MED12L: variants seen among roughly 807,000 people sequenced by gnomAD.
MED12L encodes the protein mediator of RNA polymerase II transcription subunit 12-like protein.
Under a neutral mutation model 281.3 loss-of-function variants are expected in MED12L, and 60 were observed. The ratio of observed to expected loss-of-function variants is 0.21; its 90% CI spans 0.17 to 0.26. The LOEUF is 0.26. Ranked by LOEUF, MED12L falls within the 10% of genes least tolerant of loss-of-function variation. MED12L has a pLI of 1.00. For synonymous variants in MED12L, 974 were observed against 987.2 expected, an observed-to-expected ratio of 0.99 and a Z score of 0.25; for missense variants, 2,146 against 2,680.9, an observed-to-expected ratio of 0.80 and a Z score of 4.41.
Position 151,184,479 on chromosome 3 carries a change from G to A in MED12L, c.1495-851G>A, listed in dbSNP as rs532895378. Among the ~76,000 whole-genome samples the A allele has an allele frequency of 5.5e-4, 84 of 152,212 alleles. 1 individual carries two copies. In the Middle Eastern group the frequency reaches 0.01, roughly 18 times the overall value. ...TCTGGCATCATGTTTATCCCCATGG[G>A]GACATATTAAAAACTTGTAGTTGAT... On this transcript the variant is annotated intron_variant, in intron 11 of 44. Transcript: ENST00000687756.
At chr3:151,094,017 G>C (rs990054325) in intron 2 of MED12L, among the ~76,000 whole-genome samples, 9 of 152,246 alleles carry the variant, frequency 5.9e-5, no homozygotes, top group African/African-American at 2.2e-4. Context: ...CACGAGGTAG[G>C]AGAGGATGAG....
intron 24 of MED12L, 74 bp downstream of exon 24, chr3:151,367,840 C>T (rs1755472447): frequency 2.1e-5 from 31 of 1,496,532 alleles, no homozygotes; most frequent in Non-Finnish European, 2.7e-5. Context: ...CATTACAACA[C>T]AGGGAAAGGA....
At chr3:151,270,941 CACTT>C (rs1740827846) in intron 16 of MED12L, among the ~76,000 whole-genome samples, 1 of 151,516 alleles carries the variant, frequency 6.6e-6, no homozygotes, top group Non-Finnish European at 1.5e-5. Flanking sequence ...GGAAAGATGA[CACTT>C]AGTTTTAAAT....
intron 2 of MED12L, among the ~76,000 whole-genome samples, chr3:151,110,341 A>T (rs754148866): frequency 3.3e-5 from 5 of 152,190 alleles, no homozygotes; most frequent in Non-Finnish European, 5.9e-5. Context: ...TTAAGTGTCC[A>T]TGTCCAGCCC....
chr3:151,304,110 C>T (rs2149738927), intron 16 of MED12L, among the ~76,000 whole-genome samples: 1 of 152,150 alleles, frequency 6.6e-6, no homozygotes, highest in East Asian at 1.9e-4. Context: ...AGCCTAATGA[C>T]AGAGGGTTGA....
intron 21 of MED12L, among the ~76,000 whole-genome samples, chr3:151,364,552 G>T (rs1755048776): frequency 6.6e-6 from 1 of 152,168 alleles, no homozygotes; most frequent in Non-Finnish European, 1.5e-5. Context: ...CTATACCAGA[G>T]AAATAGTTTT....
intron 16 of MED12L, among the ~76,000 whole-genome samples, chr3:151,318,218 AC>A (rs1327237720): frequency 6.6e-6 from 1 of 152,148 alleles, no homozygotes; most frequent in Non-Finnish European, 1.5e-5. Context: ...TGTTTGAATA[AC>A]AATTAGCCAA....
intron 16 of MED12L, among the ~76,000 whole-genome samples, chr3:151,239,137 A>G (rs4680263): frequency 0.3 from 45,928 of 152,120 alleles, 7,047 homozygotes; most frequent in Non-Finnish European, 0.32. Context: ...CTGTAGAATG[A>G]AAAGTGTTTA....
chr3:151,157,371 G>T (rs892707382), intron 6 of MED12L, among the ~76,000 whole-genome samples: 1 of 151,872 alleles, frequency 6.6e-6, no homozygotes, highest in African/African-American at 2.4e-5. Context: ...ATTCATACAC[G>T]TGAAGACATG....
chr3:151,096,751 G>T (rs1408735900), intron 2 of MED12L, among the ~76,000 whole-genome samples: 1 of 152,224 alleles, frequency 6.6e-6, no homozygotes, highest in Non-Finnish European at 1.5e-5. Context: ...TTGAGTCCCA[G>T]GCAGGTTAAA....
intron 16 of MED12L, chr3:151,212,312 C>T (rs895744068): frequency 3.9e-5 from 6 of 152,046 alleles, no homozygotes; most frequent in Non-Finnish European, 8.8e-5. Context: ...AAGTAAAATC[C>T]GTCTGTTTTC....
At chr3:151,398,991 T>G (rs961125899) in intron 39 of MED12L, among the ~76,000 whole-genome samples, 1 of 149,070 alleles carries the variant, frequency 6.7e-6, no homozygotes, top group African/African-American at 2.4e-5. Flanking sequence ...CGGACTGCAG[T>G]TTTCTGCAGG....
In MED12L at chr3:151,086,807, G is replaced by C; in HGVS notation, c.-120G>C. The C allele has an allele frequency of 5.9e-6, 4 of 678,392 alleles. No individual in the cohort carries two copies. The highest frequency in any genetic ancestry group is 9.5e-6 in the Non-Finnish European group (4 of 418,992). The allele number at this position is 678,392 out of a possible 1,614,324, so 42.0% of individuals were successfully genotyped here. On this transcript the variant is annotated 5_prime_UTR_variant, in exon 2 of 45. Transcript: ENST00000687756. ...TTCCTCCTGCCTGCAGCGCCACAGC[G>C]AGCGAGCGAGCGAGGAGGGGGAGAG... is the stretch of plus-strand genomic sequence containing the variant.
At chr3:151,409,371 A>G (rs962822443) in intron 40 of MED12L, 39 bp downstream of exon 40, 1 of 1,587,888 alleles carries the variant, frequency 6.3e-7, no homozygotes, top group Non-Finnish European at 8.6e-7. Context: ...CAGGATTTTC[A>G]AAGCTCTTTA....
intron 16 of MED12L, chr3:151,249,150 T>A (rs1269248100): frequency 1.3e-5 from 2 of 152,198 alleles, no homozygotes; most frequent in Non-Finnish European, 2.9e-5. Flanking sequence ...TGCTTAGGGT[T>A]ACAGATTAGC....
At chr3:151,168,437 AC>A (rs1247053213) in intron 11 of MED12L, among the ~76,000 whole-genome samples, 1 of 152,148 alleles carries the variant, frequency 6.6e-6, no homozygotes, top group Non-Finnish European at 1.5e-5. Flanking sequence ...TACCTGAGTG[AC>A]TTCTCCAGGA....
At chr3:151,165,278 G>T in intron 9 of MED12L, 142 bp from the exon 10 acceptor site, 1 of 421,692 alleles carries the variant, frequency 2.4e-6, no homozygotes, top group South Asian at 8.4e-5. Flanking sequence ...TCACTTATTG[G>T]GCCACAGGCT....
chr3:151,148,583 C>A (rs1718043181), intron 5 of MED12L, among the ~76,000 whole-genome samples: 1 of 152,148 alleles, frequency 6.6e-6, no homozygotes, highest in African/African-American at 2.4e-5. Context: ...AGAAGGATTT[C>A]CAAGGAAATG....
rs1713970684 is a variant in MED12L, at chr3:151,122,903, T to A, written c.325T>A (p.Ser109Thr). ...TAATTATTGGCTGGTTACTGCTCGA[T>A]CCCAGAGTGCAATTCATAGTTGGTT... ...KDNYWLVTAR[S>T]QSAIHSWFSD... The change falls in exon 4 of 45, where the codon TCC becomes ACC. Residue 109 changes from serine (S) to threonine (T), a missense_variant. By Grantham distance (58) the Ser-to-Thr change is moderately conservative. This residue lies in a region of MED12L where 722 missense variants were observed against 861.2 expected (regional missense o/e 0.84). Coordinates refer to ENST00000687756, the MANE Select transcript of MED12L (RefSeq NM_001393769.1). 6.2e-7 allele frequency: 1 copy of A among 1,613,026 alleles called. No individual in the cohort carries two copies.
Sources: allele counts gnomAD v4.1 joint callset (sites outside exome capture counted in the v4.1 genomes callset), GRCh38; gene constraint gnomAD v4.1.1; regional missense constraint gnomAD v4.1.1; transcripts MANE v1.5; gene names NCBI Gene and HGNC (gene_info 2026-07-23, HGNC 2026-07-21).